FAM20B: variants seen among roughly 807,000 people sequenced by gnomAD.
The protein encoded by FAM20B is glycosaminoglycan xylosylkinase.
In FAM20B, 23 loss-of-function variants were observed where a neutral mutation model predicts 43.8. That is an observed-to-expected ratio of 0.53 (90% CI 0.38 to 0.74). The LOEUF is 0.74. FAM20B is among the 30% of genes least tolerant of loss of function. The pLI is 0.00. For synonymous variants in FAM20B, 178 were observed against 192.4 expected (o/e 0.93, Z 0.62); for missense variants, 440 against 510.5 (o/e 0.86, Z 1.33).
At chr1:179,020,943 C>T (rs757737777), upstream of FAM20B, among the ~76,000 whole-genome samples, 9 of 152,250 alleles carry the variant, frequency 5.9e-5, no homozygotes, top group Admixed American at 2.6e-4. Flanking sequence ...TGGTGGCGCA[C>T]GCCTGTAGTC....
upstream of FAM20B, among the ~76,000 whole-genome samples, chr1:179,021,771 G>T (rs866145599): frequency 5.3e-5 from 8 of 152,328 alleles, no homozygotes; most frequent in South Asian, 6.2e-4. Flanking sequence ...TGGGGGTGAT[G>T]AAAATGTTCT....
chr1:179,019,075 G>A, the FAM20B span, among the ~76,000 whole-genome samples: 3 of 152,322 alleles, frequency 2.0e-5, no homozygotes, highest in African/African-American at 7.2e-5. Flanking sequence ...CAGATTGGAT[G>A]CAGTCCACGC....
At chr1:179,056,130 A>T (rs1340367735) in intron 4 of FAM20B, among the ~76,000 whole-genome samples, 1 of 152,162 alleles carries the variant, frequency 6.6e-6, no homozygotes. Context: ...GTCCACACTG[A>T]CACATCATAA....
chr1:179,060,455 T>C (rs1031225680), intron 4 of FAM20B, among the ~76,000 whole-genome samples: 1 of 152,072 alleles, frequency 6.6e-6, no homozygotes, highest in African/African-American at 2.4e-5. Context: ...GAGCGAGCAT[T>C]ACCGCCTCAG....
intron 1 of FAM20B, among the ~76,000 whole-genome samples, chr1:179,034,790 TTAG>T (rs1650151239): frequency 6.6e-6 from 1 of 152,228 alleles, no homozygotes; most frequent in African/African-American, 2.4e-5. Flanking sequence ...TCTTTTGTTG[TTAG>T]TCCTCTGCAT....
chr1:179,052,467 C>G (rs1651046958), intron 3 of FAM20B, among the ~76,000 whole-genome samples: 1 of 152,126 alleles, frequency 6.6e-6, no homozygotes, highest in Admixed American at 6.5e-5. Context: ...GTTAAGAACC[C>G]TAGCATTATA....
intron 1 of FAM20B, chr1:179,035,356 C>A: frequency 1.4e-6 from 1 of 695,308 alleles, no homozygotes; most frequent in South Asian, 1.4e-5. Context: ...AGGTCTAAAT[C>A]GGGGTAGGGG....
rs1001603561 is a variant in FAM20B, at chr1:179,076,424, G to C, written c.*4280G>C. The C allele has an allele frequency of 6.6e-6, 1 of 152,500 alleles. No homozygotes were observed. The highest frequency in any genetic ancestry group is 2.4e-5 in the African/African-American group (1 of 41,416). The allele number at this position is 152,500 out of a possible 1,614,324, so 9.4% of individuals were successfully genotyped here. A position where few individuals can be genotyped will look rare whatever the true frequency, so the allele number is the denominator to read the frequency against. On this transcript the variant is annotated 3_prime_UTR_variant, in exon 8 of 8. Transcript: ENST00000263733. ...CTACCCTCTCTTTTGATCTGCCAAG[G>C]ATTTCCTCTCAGAGCTGTTGCACAG...
intron 1 of FAM20B, among the ~76,000 whole-genome samples, chr1:179,026,326 G>T (rs1324594846): frequency 1.3e-4 from 20 of 151,868 alleles, no homozygotes; most frequent in Admixed American, 1.1e-3. Flanking sequence ...TGGGAGACCC[G>T]CTCGGGCCGC....
At chr1:179,055,289 C>T (rs530180098) in intron 4 of FAM20B, among the ~76,000 whole-genome samples, 3 of 152,246 alleles carry the variant, frequency 2.0e-5, no homozygotes, top group East Asian at 1.9e-4. Context: ...TTCAAAAGTG[C>T]GGTGGTTTCT....
rs1030268908 is a variant in FAM20B, at chr1:179,072,304, A to G, written c.*160A>G. 2 of 612,540 alleles carry G rather than the reference A, an allele frequency of 3.3e-6. No homozygotes were observed. The highest frequency in any genetic ancestry group is 1.8e-5 in the African/African-American group (1 of 54,092). The allele number at this position is 612,540 out of a possible 1,614,324, so 37.9% of individuals were successfully genotyped here. On this transcript the variant is annotated 3_prime_UTR_variant, in exon 8 of 8. Transcript: ENST00000263733. ...TTTGGTATTTTCTGTAGTAGAAACT[A>G]AAGCAAAGACCACAAGTTTCAGAGC...
intron 4 of FAM20B, among the ~76,000 whole-genome samples, chr1:179,060,797 C>T (rs1651428465): frequency 6.6e-6 from 1 of 152,176 alleles, no homozygotes; most frequent in African/African-American, 2.4e-5. Context: ...GGTGTGGCCA[C>T]ATTATCCTAT....
At chr1:179,026,372 G>T (rs1298562891) in intron 1 of FAM20B, among the ~76,000 whole-genome samples, 1 of 151,932 alleles carries the variant, frequency 6.6e-6, no homozygotes, top group African/African-American at 2.4e-5. Context: ...AAGGGACGCG[G>T]CCTCGGCCGC....
intron 1 of FAM20B, among the ~76,000 whole-genome samples, chr1:179,031,880 A>C (rs539776619): frequency 6.6e-6 from 1 of 152,264 alleles, no homozygotes; most frequent in Admixed American, 6.5e-5. Flanking sequence ...TTTTTTGTGA[A>C]GTGGGATAAG....
At chr1:179,018,060 G>A in the FAM20B span, among the ~76,000 whole-genome samples, 2 of 152,210 alleles carry the variant, frequency 1.3e-5, no homozygotes, top group Non-Finnish European at 2.9e-5. Flanking sequence ...ACATCTGGAT[G>A]AATCATCAAA....
At chr1:179,022,459 T>C (rs911302918), upstream of FAM20B, among the ~76,000 whole-genome samples, 2 of 152,152 alleles carry the variant, frequency 1.3e-5, no homozygotes, top group African/African-American at 4.8e-5. Context: ...TGTGTGTGTG[T>C]GTGCGCGCGC....
intron 1 of FAM20B, among the ~76,000 whole-genome samples, chr1:179,038,576 A>G (rs780238773): frequency 5.3e-5 from 8 of 152,232 alleles, no homozygotes; most frequent in Non-Finnish European, 1.0e-4. Context: ...TGTCAATACA[A>G]CTAGATTTCC....
intron 1 of FAM20B, among the ~76,000 whole-genome samples, chr1:179,037,821 T>C (rs1650313228): frequency 6.6e-6 from 1 of 151,822 alleles, no homozygotes; most frequent in Non-Finnish European, 1.5e-5. Context: ...CCTAGCTGAG[T>C]GAGTGAATTG....
At chr1:179,051,713 C>A in intron 3 of FAM20B, among the ~76,000 whole-genome samples, 1 of 152,246 alleles carries the variant, frequency 6.6e-6, no homozygotes, top group South Asian at 2.1e-4. Context: ...GTAGCCTGAT[C>A]TTGGCTTACT....
Sources: gnomAD v4.1 joint callset for allele counts (sites outside exome capture counted in the v4.1 genomes callset) on GRCh38, gnomAD v4.1.1 for gene constraint, MANE v1.5 for transcripts, NCBI Gene and HGNC (gene_info 2026-07-23, HGNC 2026-07-21) for gene names.